The following CYP39A1 variants were observed in gnomAD, a reference collection of about 807,000 sequenced individuals.
The protein encoded by CYP39A1 is 24-hydroxycholesterol 7-alpha-hydroxylase.
A neutral mutation model predicts 58.1 loss-of-function variants in CYP39A1; 49 were observed. The ratio of observed to expected loss-of-function variants is 0.84; its 90% CI spans 0.67 to 1.07. The LOEUF (loss-of-function observed/expected upper bound fraction) is 1.07, where lower values mean the gene tolerates loss of function less well. Among genes scored for constraint, CYP39A1 ranks in the 50% least tolerant of loss-of-function variants. CYP39A1 has a pLI of 0.00. For missense variants in CYP39A1, 531 were observed against 539.4 expected (o/e 0.98, Z 0.16); for synonymous variants, 209 against 187.6 (o/e 1.11, Z -0.93).
chr6:46,555,018 C>T (rs1260472963), intron 10 of CYP39A1, among the ~76,000 whole-genome samples: 1 of 150,936 alleles, frequency 6.6e-6, no homozygotes, highest in Non-Finnish European at 1.5e-5. Context: ...CATATCTTCA[C>T]TATCTCCTCA....
At position 46,616,006 on chromosome 6, in the gene CYP39A1, C is replaced by T. The variant is rs1373402315; in HGVS notation, c.931+9412G>A. 1.4e-4 allele frequency among the ~76,000 whole-genome samples: 7 copies of T among 50,572 alleles called. No individual in the cohort carries two copies. In the East Asian group the frequency reaches 8.2e-3, roughly 59 times the overall value. The allele number at this position is 50,572 out of a possible 152,430, so 33.2% of individuals were successfully genotyped here. ...GATTTTCTCTAGCCTTTCCCTCCCT[C>T]CCCCCTCCCTCCCCCTCCCTCCCTC... On this transcript the variant is annotated intron_variant, in intron 7 of 11. Transcript: ENST00000275016.
In CYP39A1 at chr6:46,637,966, A is replaced by G; in HGVS notation, c.501T>C (p.Tyr167=). The change falls in exon 4 of 12, where the codon TAT becomes TAC. Residue 167 remains tyrosine, a synonymous_variant. Transcript: ENST00000275016. The stretch of plus-strand genomic sequence containing the variant: ...TAAAGAGCATATTCACTGTGACTGG[A>G]TAAAGGAGATGTCTACAAAGACAGA... The part of the protein sequence containing the change: ...DLNNLVRHLL[Y]PVTVNMLFNK... The G allele has an allele frequency of 6.2e-7, 1 of 1,605,450 alleles. No individual in the cohort carries two copies. The highest frequency in any genetic ancestry group is 8.5e-7 in the Non-Finnish European group (1 of 1,178,114).
chr6:46,574,840 AT>A (rs1341362783), intron 10 of CYP39A1, among the ~76,000 whole-genome samples: 8 of 151,790 alleles, frequency 5.3e-5, no homozygotes, highest in South Asian at 2.1e-4. Context: ...ATCACTGTTA[AT>A]TTTTTTAGGG....
chr6:46,646,617 G>A (rs985726853), intron 1 of CYP39A1, among the ~76,000 whole-genome samples: 2 of 151,994 alleles, frequency 1.3e-5, no homozygotes, highest in Admixed American at 6.5e-5. Flanking sequence ...CTACTTTCTG[G>A]AAGAAATGGA....
chr6:46,622,778 C>T (rs1775045461), intron 7 of CYP39A1, among the ~76,000 whole-genome samples: 1 of 151,960 alleles, frequency 6.6e-6, no homozygotes, highest in South Asian at 2.1e-4. Context: ...TGAAAAGCAC[C>T]ACCCAAAATA....
In CYP39A1 at chr6:46,628,575, T is replaced by A. The variant is rs1204525152; in HGVS notation, c.840+2388A>T. Among the ~76,000 whole-genome samples the A allele has an allele frequency of 2.0e-5, 3 of 152,218 alleles. No homozygotes were observed. The South Asian group carries it at 6.2e-4, about 32-fold the overall frequency. ...TATCTTGGGCCACAATGGAGCCTCCTAGTGACCCAGTGCCTAACCCATCTG... is the reference window on the plus strand; with the variant it reads ...TATCTTGGGCCACAATGGAGCCTCCAAGTGACCCAGTGCCTAACCCATCTG... On this transcript the variant is annotated intron_variant, in intron 6 of 11. Transcript: ENST00000275016.
chr6:46,578,084 G>T (rs966618744), intron 10 of CYP39A1, among the ~76,000 whole-genome samples: 1 of 152,022 alleles, frequency 6.6e-6, no homozygotes, highest in Non-Finnish European at 1.5e-5. Flanking sequence ...CACACTCTCA[G>T]ACCACAGTGC....
At chr6:46,586,269 AT>A in intron 10 of CYP39A1, 4 of 982,322 alleles carry the variant, frequency 4.1e-6, no homozygotes, top group Non-Finnish European at 4.8e-6. Context: ...AGAAACTACA[AT>A]TTTTTAAATA....
Position 46,637,829 on chromosome 6 carries a change from C to T in CYP39A1, c.638G>A (p.Arg213Lys), listed in dbSNP as rs964967671. ...ATTAATTATAGGAAACAACTGTTAC[C>T]TTAGAAGACACTCTGGCAACTGGGA... ...YGSQLPECLL[R>K]NWSKSKKWFL... The change falls in exon 4 of 12, where the codon AGA (arginine) becomes AAA (lysine). Residue 213 changes from arginine to lysine, a missense_variant and splice_region_variant. Physicochemically the swap from Arg to Lys is conservative, Grantham distance 26 (BLOSUM62 2). Coordinates refer to ENST00000275016, the MANE Select transcript of CYP39A1 (RefSeq NM_016593.5). 2 of 1,611,596 alleles carry T rather than the reference C, an allele frequency of 1.2e-6. No homozygotes were observed. Among genetic ancestry groups the T allele is most frequent in the Admixed American group, 3.4e-5 (2 of 59,476 alleles).
chr6:46,569,667 T>C (rs558266095), intron 10 of CYP39A1, among the ~76,000 whole-genome samples: 1 of 152,270 alleles, frequency 6.6e-6, no homozygotes, highest in Non-Finnish European at 1.5e-5. Context: ...ATGTGGTATA[T>C]GACATTCTTC....
At chr6:46,613,929 C>A (rs1272178820) in intron 7 of CYP39A1, among the ~76,000 whole-genome samples, 6 of 118,496 alleles carry the variant, frequency 5.1e-5, no homozygotes, top group Non-Finnish European at 4.9e-5. Flanking sequence ...AAAAACAAAA[C>A]ACAAAGAAGC....
At position 46,634,417 on chromosome 6, in the gene CYP39A1, G is replaced by A. The variant is rs377406962; in HGVS notation, c.732+1972C>T. Reference sequence around the variant, plus strand: ...GAAAACGGACTAATACAAATAGGGAGTTAAGAGTACCTATGATTAAAAATA... The same window carrying A: ...GAAAACGGACTAATACAAATAGGGAATTAAGAGTACCTATGATTAAAAATA... On this transcript the variant is annotated intron_variant, in intron 5 of 11. Coordinates refer to ENST00000275016, the MANE Select transcript of CYP39A1 (RefSeq NM_016593.5). Among the ~76,000 whole-genome samples, 9 of 152,028 alleles carry A rather than the reference G, an allele frequency of 5.9e-5. No individual in the cohort carries two copies. The East Asian group carries it at 1.5e-3, about 26-fold the overall frequency.
At chr6:46,621,546 C>T (rs9296500) in intron 7 of CYP39A1, among the ~76,000 whole-genome samples, 29,057 of 151,800 alleles carry the variant, frequency 0.19, 2,985 homozygotes, top group African/African-American at 0.27. Context: ...AATTTTATAC[C>T]AACAAATTAG....
At chr6:46,626,274 T>G (rs1775303826) in intron 6 of CYP39A1, among the ~76,000 whole-genome samples, 1 of 152,160 alleles carries the variant, frequency 6.6e-6, no homozygotes, top group South Asian at 2.1e-4. Flanking sequence ...TTTGCTTCTA[T>G]TCTTAGGTTA....
At chr6:46,569,113 T>C (rs1771446979) in intron 10 of CYP39A1, among the ~76,000 whole-genome samples, 2 of 152,092 alleles carry the variant, frequency 1.3e-5, no homozygotes, top group South Asian at 4.1e-4. Flanking sequence ...GTTTAGCTAA[T>C]TCCTAATTGT....
intron 10 of CYP39A1, among the ~76,000 whole-genome samples, chr6:46,559,438 T>C (rs139364059): frequency 1.1e-4 from 17 of 152,302 alleles, no homozygotes; most frequent in African/African-American, 4.1e-4. Context: ...TCTCTAGGAC[T>C]ATAGGAAAAT....
At position 46,616,192 on chromosome 6, in the gene CYP39A1, T is replaced by TTCCC. The variant is rs59526252; in HGVS notation, c.931+9222_931+9225dup. Among the ~76,000 whole-genome samples, 11 of 3,762 alleles carry TTCCC rather than the reference T, an allele frequency of 2.9e-3. 3 individuals carry two copies. Among genetic ancestry groups the TTCCC allele is most frequent in the Non-Finnish European group, 3.3e-3 (7 of 2,120 alleles). 2.5% of individuals were successfully genotyped at this position (3,762 alleles called of 152,430 possible). The stretch of plus-strand genomic sequence containing the variant: ...CTTTCTTTCTTTCTTTCTTTCTTCT[T>TTCCC]TCCCTCCCTCCCTCCCTCCCTCCCT... On this transcript the variant is annotated intron_variant, in intron 7 of 11. Coordinates refer to ENST00000275016, the MANE Select transcript of CYP39A1 (RefSeq NM_016593.5).
chr6:46,554,413 A>G (rs548784767), intron 10 of CYP39A1, among the ~76,000 whole-genome samples: 2 of 152,302 alleles, frequency 1.3e-5, no homozygotes, highest in South Asian at 4.1e-4. Flanking sequence ...CTACAGGAAC[A>G]TCAAATTCCC....
At chr6:46,554,867 G>T (rs1770591467) in intron 10 of CYP39A1, among the ~76,000 whole-genome samples, 1 of 151,912 alleles carries the variant, frequency 6.6e-6, no homozygotes. Flanking sequence ...CTTATCTCCA[G>T]TCCCTCCATG....
Sources: allele counts gnomAD v4.1 joint callset (sites outside exome capture counted in the v4.1 genomes callset), GRCh38; gene constraint gnomAD v4.1.1; transcripts MANE v1.5; gene names NCBI Gene and HGNC (gene_info 2026-07-23, HGNC 2026-07-21).